STAG1: variants seen among roughly 807,000 people sequenced by gnomAD.
STAG1 encodes the protein STAG1 cohesin complex component.
Under a neutral mutation model 170.9 loss-of-function variants are expected in STAG1, and 26 were observed. The observed-to-expected ratio is 0.15, with a 90% CI of 0.11 to 0.21. The LOEUF (loss-of-function observed/expected upper bound fraction) is 0.21, where lower values mean the gene tolerates loss of function less well. STAG1 is among the 10% of genes least tolerant of loss of function. The pLI, the probability that STAG1 is intolerant of heterozygous loss-of-function variation, is 1.00. For synonymous variants in STAG1, 514 were observed against 497.7 expected, an observed-to-expected ratio of 1.03 and a Z score of -0.44; for missense variants, 964 against 1,509.5, an observed-to-expected ratio of 0.64 and a Z score of 5.99.
chr3:136,567,734 G>T (rs1367422835), intron 5 of STAG1, among the ~76,000 whole-genome samples: 1 of 152,130 alleles, frequency 6.6e-6, no homozygotes, highest in Non-Finnish European at 1.5e-5. Context: ...ATCTCAGTTT[G>T]CAATGTACAA....
chr3:136,637,808 TG>T (rs1940630642), intron 1 of STAG1, among the ~76,000 whole-genome samples: 1 of 152,066 alleles, frequency 6.6e-6, no homozygotes, highest in South Asian at 2.1e-4. Context: ...CATAAAGGAA[TG>T]TAAGTTTCAT....
chr3:136,554,078 AG>A (rs1936515473), intron 5 of STAG1, among the ~76,000 whole-genome samples: 1 of 152,192 alleles, frequency 6.6e-6, no homozygotes, highest in Admixed American at 6.5e-5. Context: ...GAAAAGTGGT[AG>A]GTTTCATTAA....
intron 7 of STAG1, among the ~76,000 whole-genome samples, chr3:136,519,534 G>A (rs1448462490): frequency 6.6e-5 from 10 of 151,734 alleles, no homozygotes; most frequent in Admixed American, 6.6e-4. Flanking sequence ...TTATTTTCAA[G>A]GTTTTTTTTT....
intron 13 of STAG1, among the ~76,000 whole-genome samples, chr3:136,460,707 T>TA (rs1284597061): frequency 1.3e-5 from 2 of 148,528 alleles, no homozygotes; most frequent in Non-Finnish European, 3.0e-5. Context: ...AAAAGCCCGG[T>TA]ACCTGATGGC....
chr3:136,399,199 A>G (rs2087248822), intron 21 of STAG1, among the ~76,000 whole-genome samples: 1 of 152,208 alleles, frequency 6.6e-6, no homozygotes, highest in Admixed American at 6.5e-5. Context: ...CACATTTTAT[A>G]AGAAAATTTC....
At chr3:136,351,548 T>TA (rs1250483013) in intron 28 of STAG1, among the ~76,000 whole-genome samples, 1 of 152,166 alleles carries the variant, frequency 6.6e-6, no homozygotes, top group Non-Finnish European at 1.5e-5. Context: ...CCAAGCCACA[T>TA]ACGGATCTAT....
At chr3:136,540,724 A>G (rs747310932) in intron 6 of STAG1, among the ~76,000 whole-genome samples, 6 of 143,230 alleles carry the variant, frequency 4.2e-5, no homozygotes, top group Non-Finnish European at 7.5e-5. Context: ...TGGGAGGCTG[A>G]GGCATGAGAA....
At chr3:136,473,395 G>C (rs977941133) in intron 11 of STAG1, 144 bp downstream of exon 11, 1 of 580,024 alleles carries the variant, frequency 1.7e-6, no homozygotes, top group Non-Finnish European at 2.9e-6. Flanking sequence ...CCATGAAACT[G>C]GTCCCTGGTG....
chr3:136,520,175 T>G (rs1419095988), intron 7 of STAG1, among the ~76,000 whole-genome samples: 1 of 152,142 alleles, frequency 6.6e-6, no homozygotes, highest in Non-Finnish European at 1.5e-5. Context: ...AAGCAGATAT[T>G]TGCAATGTGT....
intron 1 of STAG1, among the ~76,000 whole-genome samples, chr3:136,643,543 C>G (rs534172156): frequency 1.4e-4 from 22 of 152,290 alleles, no homozygotes; most frequent in African/African-American, 5.1e-4. Flanking sequence ...GAGTCTGGCT[C>G]TGTTGTCCAG....
chr3:136,679,371 G>A (rs1185663720), intron 1 of STAG1, among the ~76,000 whole-genome samples: 1 of 151,892 alleles, frequency 6.6e-6, no homozygotes, highest in African/African-American at 2.4e-5. Context: ...CTTGAGGTCA[G>A]GAGTTCGAGA....
intron 1 of STAG1, among the ~76,000 whole-genome samples, chr3:136,639,578 C>T (rs548592814): frequency 6.6e-6 from 1 of 152,198 alleles, no homozygotes; most frequent in South Asian, 2.1e-4. Flanking sequence ...CCAAAAATGT[C>T]CTCTGGCTTA....
Position 136,500,332 on chromosome 3 carries a change from A to G in STAG1, c.829-36T>C, listed in dbSNP as rs368991133. ...AAAATATATATAAGTTGAAATCCTGATCATTTTATTTGGAAGGAACAGCTC... is the reference window on the plus strand; with the variant it reads ...AAAATATATATAAGTTGAAATCCTGGTCATTTTATTTGGAAGGAACAGCTC... On this transcript the variant is annotated intron_variant, in intron 8 of 33. Transcript: ENST00000383202. The G allele has an allele frequency of 1.0e-5, 14 of 1,402,484 alleles. No homozygotes were observed. The African/African-American group carries it at 1.9e-4, about 19-fold the overall frequency. The allele number at this position is 1,402,484 out of a possible 1,614,324, so 86.9% of individuals were successfully genotyped here.
chr3:136,748,642 T>A (rs1262199408), intron 1 of STAG1, among the ~76,000 whole-genome samples: 1 of 152,074 alleles, frequency 6.6e-6, no homozygotes, highest in East Asian at 1.9e-4. Context: ...CCTCAGGTGA[T>A]CCACCCACCT....
At chr3:136,559,415 G>T (rs1045923102) in intron 5 of STAG1, among the ~76,000 whole-genome samples, 5 of 152,136 alleles carry the variant, frequency 3.3e-5, no homozygotes, top group Non-Finnish European at 7.3e-5. Context: ...ACAATAAAGA[G>T]TATGTTATCT....
Position 136,337,220 on chromosome 3 carries a change from A to T in STAG1, c.*1034T>A, listed in dbSNP as rs977689093. ...ACTTAATTCACAAAATTAGCGCATA[A>T]GGGTATTAAGTGCATGGGAAGTAAA... On this transcript the variant is annotated 3_prime_UTR_variant, in exon 34 of 34. Coordinates refer to ENST00000383202, the MANE Select transcript of STAG1 (RefSeq NM_005862.3). 1 of 152,694 alleles carries T rather than the reference A, an allele frequency of 6.5e-6. No homozygotes were observed. The highest frequency in any genetic ancestry group is 1.5e-5 in the Non-Finnish European group (1 of 68,044). The allele number at this position is 152,694 out of a possible 1,614,324, so 9.5% of individuals were successfully genotyped here.
chr3:136,709,115 C>T (rs1172214521), intron 1 of STAG1, among the ~76,000 whole-genome samples: 3 of 151,584 alleles, frequency 2.0e-5, no homozygotes, highest in Non-Finnish European at 4.4e-5. Flanking sequence ...CATGGTGAAA[C>T]CCTGTCTCTG....
intron 22 of STAG1, among the ~76,000 whole-genome samples, chr3:136,378,663 G>A (rs1215463423): frequency 1.3e-5 from 2 of 152,108 alleles, no homozygotes; most frequent in East Asian, 1.9e-4. Flanking sequence ...GCAAGACCCT[G>A]GCTTAAAATA....
intron 1 of STAG1, among the ~76,000 whole-genome samples, chr3:136,702,518 C>A (rs367818377): frequency 2.8e-4 from 43 of 152,052 alleles, no homozygotes; most frequent in African/African-American, 9.9e-4. Context: ...TCCCAAGTAG[C>A]TGGGATTACA....
Sources: allele counts gnomAD v4.1 joint callset (sites outside exome capture counted in the v4.1 genomes callset), GRCh38; gene constraint gnomAD v4.1.1; transcripts MANE v1.5; gene names NCBI Gene and HGNC (gene_info 2026-07-23, HGNC 2026-07-21).